PDAP1: variants seen among roughly 807,000 people sequenced by gnomAD.
PDAP1 encodes PDGFA associated protein 1.
In PDAP1, 13 loss-of-function variants were observed where a neutral mutation model predicts 28.0. The observed-to-expected ratio is 0.46, with a 90% CI of 0.30 to 0.74. The LOEUF (loss-of-function observed/expected upper bound fraction) is 0.74, where lower values mean the gene tolerates loss of function less well. Among genes scored for constraint, PDAP1 ranks in the 30% least tolerant of loss-of-function variants. The probability of loss-of-function intolerance (pLI) is 0.07; values close to 1 mark genes in which losing one functional copy is unlikely to be tolerated. For missense variants in PDAP1, 150 were observed against 230.0 expected (o/e 0.65, Z 2.25); for synonymous variants, 77 against 85.1 (o/e 0.91, Z 0.52).
chr7:99,396,685 C>T lies in PDAP1; in HGVS notation c.543G>A (p.Lys181=). ...GKRMQSLSLN[K] is the part of the protein sequence containing the mutation. ...CATCTCCTCCCACGGGTCGCAGTTA[C>T]TTATTCAGGGAGAGTGACTGCATTC... The change falls in exon 6 of 6, where the codon AAG becomes AAA. Residue 181 remains lysine, a synonymous_variant. Coordinates refer to ENST00000350498, the MANE Select transcript of PDAP1 (RefSeq NM_014891.7). 1 of 1,611,720 alleles carries T rather than the reference C, an allele frequency of 6.2e-7. No individual in the cohort carries two copies. Among genetic ancestry groups the T allele is most frequent in the Non-Finnish European group, 8.5e-7 (1 of 1,179,560 alleles).
chr7:99,402,160 C>T (rs561879221), intron 3 of PDAP1, among the ~76,000 whole-genome samples: 2 of 139,478 alleles, frequency 1.4e-5, no homozygotes, highest in Non-Finnish European at 3.0e-5. Flanking sequence ...ACCCGGGAGG[C>T]GGAGCTTGCA....
intron 1 of PDAP1, 78 bp from the exon 2 acceptor site, chr7:99,405,031 G>C: frequency 9.3e-7 from 1 of 1,070,382 alleles, no homozygotes; most frequent in Non-Finnish European, 1.4e-6. Context: ...TGTCCTGCTT[G>C]GAGTACTCTC....
rs1171672961 is a variant in PDAP1, at chr7:99,395,334, A to T, written c.*1348T>A. ...CCTGGTTAATTTTTGTATTTTTAGT[A>T]GAGACGGAGTTTCTCCATGTTGGCC... On this transcript the variant is annotated 3_prime_UTR_variant, in exon 6 of 6. Transcript: ENST00000350498. 2 of 152,210 alleles carry T rather than the reference A, an allele frequency of 1.3e-5. No individual in the cohort carries two copies. Among genetic ancestry groups the T allele is most frequent in the African/African-American group, 4.8e-5 (2 of 41,426 alleles). The allele number at this position is 152,210 out of a possible 1,614,324, so 9.4% of individuals were successfully genotyped here.
chr7:99,402,994 CACTA>C (rs2150906485), intron 3 of PDAP1, among the ~76,000 whole-genome samples: 1 of 152,300 alleles, frequency 6.6e-6, no homozygotes, highest in South Asian at 2.1e-4. Flanking sequence ...GCTCCTTACC[CACTA>C]ACTCACAGCT....
chr7:99,402,030 G>A (rs892555336), intron 3 of PDAP1, among the ~76,000 whole-genome samples: 3 of 151,930 alleles, frequency 2.0e-5, no homozygotes, highest in African/African-American at 7.3e-5. Flanking sequence ...AGCCCTTTGA[G>A]AGGCCAAGGC....
intron 2 of PDAP1, among the ~76,000 whole-genome samples, chr7:99,403,839 G>A (rs1284121199): frequency 2.0e-5 from 3 of 152,122 alleles, no homozygotes; most frequent in Non-Finnish European, 4.4e-5. Flanking sequence ...GAAGGACTCA[G>A]CCACCAGGCT....
At chr7:99,396,766 TTAAAA>T in intron 5 of PDAP1, 26 bp from the exon 6 acceptor site, 1 of 1,603,472 alleles carries the variant, frequency 6.2e-7, no homozygotes, top group Non-Finnish European at 8.5e-7. Context: ...AGGGCAGGGG[TTAAAA>T]CAAAGCAACC....
At chr7:99,404,722 C>A in intron 2 of PDAP1, 140 bp downstream of exon 2, 1 of 615,732 alleles carries the variant, frequency 1.6e-6, no homozygotes, top group Non-Finnish European at 2.9e-6. Context: ...GAGACTCACA[C>A]CTGGGGCTCA....
chr7:99,398,235 A>C (rs952721936), intron 4 of PDAP1, among the ~76,000 whole-genome samples: 2 of 152,254 alleles, frequency 1.3e-5, no homozygotes, highest in Admixed American at 1.3e-4. Context: ...ATGTCCAGAA[A>C]GCCTCAGAGG....
At chr7:99,398,596 T>G (rs907716410) in intron 4 of PDAP1, among the ~76,000 whole-genome samples, 2 of 152,110 alleles carry the variant, frequency 1.3e-5, no homozygotes, top group African/African-American at 4.8e-5. Context: ...CCCAGCTACA[T>G]GGGAGGCTGA....
chr7:99,395,967 G>A lies in PDAP1; in HGVS notation c.*715C>T, dbSNP rs1427630216. The stretch of plus-strand genomic sequence containing the variant: ...GGCTCGAGCACGGAAGCCAAAGGAT[G>A]GATTGCCAAAACAAAGATTACGATA... On this transcript the variant is annotated 3_prime_UTR_variant, in exon 6 of 6. Transcript: ENST00000350498. The A allele has an allele frequency of 1.3e-5, 2 of 152,864 alleles. No individual in the cohort carries two copies. The highest frequency in any genetic ancestry group is 2.9e-5 in the Non-Finnish European group (2 of 68,194). The allele number at this position is 152,864 out of a possible 1,614,324, so 9.5% of individuals were successfully genotyped here.
At chr7:99,400,252 C>CAACT in intron 4 of PDAP1, 51 bp downstream of exon 4, 1 of 1,604,704 alleles carries the variant, frequency 6.2e-7, no homozygotes, top group Non-Finnish European at 8.5e-7. Flanking sequence ...TCCCACAGGC[C>CAACT]AACTGCTGGC....
At chr7:99,407,641 G>A (rs956888383) in intron 1 of PDAP1, among the ~76,000 whole-genome samples, 1 of 152,132 alleles carries the variant, frequency 6.6e-6, no homozygotes, top group Non-Finnish European at 1.5e-5. Flanking sequence ...TTACCACCCC[G>A]GCCCCAATTC....
In PDAP1 at chr7:99,400,397, T is replaced by A; in HGVS notation, c.241A>T (p.Ile81Phe). Residue 81 changes from isoleucine to phenylalanine, a missense_variant, in exon 4 of 6, where the codon ATC (isoleucine) becomes TTC (phenylalanine). Physicochemically the swap from Ile to Phe is conservative, Grantham distance 21. Coordinates refer to ENST00000350498, the MANE Select transcript of PDAP1 (RefSeq NM_014891.7). ...QQKRKGVEGL[I>F]DIENPNRVAQ... ...ACCCGGTTGGGGTTCTCGATGTCGA[T>A]GAGCCCTTCAACGCCTTTGCGCTTT... 1 of 1,613,236 alleles carries A rather than the reference T, an allele frequency of 6.2e-7. No homozygotes were observed. Among genetic ancestry groups the A allele is most frequent in the Non-Finnish European group, 8.5e-7 (1 of 1,179,132 alleles).
intron 1 of PDAP1, among the ~76,000 whole-genome samples, chr7:99,407,709 CCA>C (rs992731571): frequency 6.6e-5 from 10 of 152,134 alleles, no homozygotes; most frequent in African/African-American, 2.2e-4. Context: ...TTGTTCAGGG[CCA>C]CAGAATTAGA....
chr7:99,396,066 CAG>C lies in PDAP1; in HGVS notation c.*614_*615del, dbSNP rs1460612321. The C allele has an allele frequency of 6.5e-6, 1 of 153,828 alleles. No homozygotes were observed. The highest frequency in any genetic ancestry group is 2.4e-5 in the African/African-American group (1 of 41,454). 9.5% of individuals were successfully genotyped at this position (153,828 alleles called of 1,614,324 possible). ...TTTTGCCTGGGTGCCACACAGTAAA[CAG>C]AGGTTTCTTGAAATGATCAATGGGT... On this transcript the variant is annotated 3_prime_UTR_variant, in exon 6 of 6. Coordinates refer to ENST00000350498, the MANE Select transcript of PDAP1 (RefSeq NM_014891.7).
At chr7:99,397,687 G>A (rs1190724720) in intron 5 of PDAP1, among the ~76,000 whole-genome samples, 175 bp downstream of exon 5, 1 of 152,182 alleles carries the variant, frequency 6.6e-6, no homozygotes, top group African/African-American at 2.4e-5. Flanking sequence ...GACCCTCCTG[G>A]TCCCCGAGGG....
intron 1 of PDAP1, among the ~76,000 whole-genome samples, chr7:99,408,201 G>A (rs1795021317): frequency 6.6e-6 from 1 of 152,136 alleles, no homozygotes; most frequent in African/African-American, 2.4e-5. Flanking sequence ...CACAAGCGCG[G>A]GACGCGGTGA....
In PDAP1 at chr7:99,394,896, G is replaced by A; in HGVS notation, c.*1786C>T. 9.4e-7 allele frequency: 1 copy of A among 1,061,874 alleles called. No individual in the cohort carries two copies. Among genetic ancestry groups the A allele is most frequent in the Non-Finnish European group, 1.2e-6 (1 of 840,558 alleles). The allele number at this position is 1,061,874 out of a possible 1,614,324, so 65.8% of individuals were successfully genotyped here. ...TTTCCAGGCTGCACTAGAACTCGTG[G>A]GAGCAATCCTTCTGCCTCAGCCTCC... On this transcript the variant is annotated 3_prime_UTR_variant, in exon 6 of 6. Transcript: ENST00000350498.
Sources: gnomAD v4.1 joint callset for allele counts (sites outside exome capture counted in the v4.1 genomes callset) on GRCh38, gnomAD v4.1.1 for gene constraint, MANE v1.5 for transcripts, NCBI Gene and HGNC (gene_info 2026-07-23, HGNC 2026-07-21) for gene names.